PXN: variants seen among roughly 807,000 people sequenced by gnomAD.
PXN encodes the protein paxillin.
Under a neutral mutation model 103.6 loss-of-function variants are expected in PXN, and 61 were observed. The ratio of observed to expected loss-of-function variants is 0.59; its 90% CI spans 0.48 to 0.73. The LOEUF (loss-of-function observed/expected upper bound fraction) is 0.73, where lower values mean the gene tolerates loss of function less well. Among genes scored for constraint, PXN ranks in the 30% least tolerant of loss-of-function variants. PXN has a pLI of 0.00. For missense variants in PXN, 1,274 were observed against 1,460.3 expected (o/e 0.87, Z 2.08); for synonymous variants, 562 against 607.8 (o/e 0.92, Z 1.11).
chr12:120,234,363 T>C (rs1169372767), intron 1 of PXN, among the ~76,000 whole-genome samples: 2 of 152,042 alleles, frequency 1.3e-5, no homozygotes, highest in African/African-American at 4.8e-5. Context: ...GAACAGAGAT[T>C]GCGCCACTGC....
rs1886589753 is a variant in PXN at position 120,225,380 on chromosome 12, C to G, written c.14-1003G>C. The G allele has an allele frequency of 6.5e-6, 1 of 152,816 alleles. No homozygotes were observed. The highest frequency in any genetic ancestry group is 1.5e-5 in the Non-Finnish European group (1 of 68,528). The allele number at this position is 152,816 out of a possible 1,614,324, so 9.5% of individuals were successfully genotyped here. On this transcript the variant is annotated intron_variant, in intron 1 of 14. Coordinates refer to ENST00000637617, the MANE Select transcript of PXN (RefSeq NM_001385981.1). This position sits in a 1 kb window ranked among gnomAD's most constrained non-coding sequence, Gnocchi z 4.4. ...CCTGCTGGGTCCAGGGAGCTGACAG[C>G]TTGATCCCTAGCCCTCAGGATAATA...
chr12:120,230,706 G>A (rs539045221), intron 1 of PXN, among the ~76,000 whole-genome samples: 2 of 141,632 alleles, frequency 1.4e-5, no homozygotes, highest in African/African-American at 2.6e-5. Context: ...AATCTAATCC[G>A]CAGCGGGGTG....
chr12:120,237,040 G>A (rs1241284192), intron 1 of PXN, among the ~76,000 whole-genome samples: 8 of 151,840 alleles, frequency 5.3e-5, no homozygotes, highest in African/African-American at 1.2e-4. Context: ...GGGCTCAAGC[G>A]ATCCTCCTGC....
rs1889614745 is a variant in PXN at position 120,238,828 on chromosome 12, C to T, written c.14-14451G>A. Among the ~76,000 whole-genome samples, 4 of 152,178 alleles carry T rather than the reference C, an allele frequency of 2.6e-5. No homozygotes were observed. In the South Asian group the frequency reaches 8.3e-4, roughly 31 times the overall value. ...TTGCCATGAGGTGCTAGGGTGAACC[C>T]CATCATTCCTCCTTCAGGCAGTACC... On this transcript the variant is annotated intron_variant, in intron 1 of 14. Coordinates refer to ENST00000637617, the MANE Select transcript of PXN (RefSeq NM_001385981.1).
chr12:120,224,164 A>T lies in PXN; in HGVS notation c.227T>A (p.Phe76Tyr), dbSNP rs1293668538. ...LDQWQPSSSR[F>Y]IHQQPQSSSP... The stretch of plus-strand genomic sequence containing the variant: ...TCCCCGCCTCACCTGCTGGTGGATG[A>T]ATCGGGAGCTGCTGGGCTGCCACTG... Residue 76 changes from phenylalanine to tyrosine, a missense_variant, in exon 2 of 15, where the codon TTC (phenylalanine) becomes TAC (tyrosine). Around this residue, in one of 2 missense-constraint regions of PXN, gnomAD observed 1,178 missense variants for 1,309.0 expected, o/e 0.90. Coordinates refer to ENST00000637617, the MANE Select transcript of PXN (RefSeq NM_001385981.1). This position sits in a 1 kb window ranked among gnomAD's most constrained non-coding sequence, Gnocchi z 5.0. 6.3e-7 allele frequency: 1 copy of T among 1,583,166 alleles called. No homozygotes were observed. The highest frequency in any genetic ancestry group is 1.1e-5 in the South Asian group (1 of 87,488).
chr12:120,254,829 G>A (rs914878562), intron 1 of PXN, among the ~76,000 whole-genome samples: 2 of 152,220 alleles, frequency 1.3e-5, no homozygotes, highest in African/African-American at 2.4e-5. Context: ...GATTACAGGT[G>A]TGAGCCACAA....
chr12:120,217,127 G>A lies in PXN; in HGVS notation c.1717-11C>T. 6.4e-7 allele frequency: 1 copy of A among 1,569,196 alleles called. No homozygotes were observed. Among genetic ancestry groups the A allele is most frequent in the Non-Finnish European group, 8.6e-7 (1 of 1,164,122 alleles). ...GATCACAGATCGGATCTAGGGGGAG[G>A]GGGAGGGGAGGCTGTCACCGTCCCA... is the stretch of plus-strand genomic sequence containing the variant. On this transcript the variant is annotated splice_polypyrimidine_tract_variant and intron_variant, in intron 7 of 14. Transcript: ENST00000637617. This position sits in a 1 kb window ranked among gnomAD's most constrained non-coding sequence, Gnocchi z 4.1.
intron 1 of PXN, chr12:120,250,289 C>A: frequency 2.9e-6 from 2 of 698,452 alleles, no homozygotes; most frequent in Non-Finnish European, 3.5e-6. Flanking sequence ...TTCAAACCTC[C>A]AACAGAGCCC....
chr12:120,241,446 C>T (rs765423463), intron 1 of PXN, among the ~76,000 whole-genome samples: 2 of 152,222 alleles, frequency 1.3e-5, no homozygotes, highest in Non-Finnish European at 1.5e-5. Flanking sequence ...CCTCCAAGAC[C>T]CTCCCTCCGA....
At chr12:120,234,094 G>A (rs183341652) in intron 1 of PXN, among the ~76,000 whole-genome samples, 66 of 122,980 alleles carry the variant, frequency 5.4e-4, no homozygotes, top group Admixed American at 3.3e-4. Context: ...AAGTGAAATC[G>A]TAAGATAAAA....
chr12:120,218,105 T>C (rs1047326461), intron 7 of PXN, among the ~76,000 whole-genome samples: 3 of 147,756 alleles, frequency 2.0e-5, no homozygotes, highest in Non-Finnish European at 3.0e-5. Context: ...AATGCAGTGG[T>C]GCGATCACAA....
At chr12:120,249,059 C>T (rs1038881592) in intron 1 of PXN, among the ~76,000 whole-genome samples, 1 of 152,062 alleles carries the variant, frequency 6.6e-6, no homozygotes. Flanking sequence ...ATCGCTTGAA[C>T]CTGGGAAGCA....
At position 120,250,206 on chromosome 12, in the gene PXN, C is replaced by G. The variant is rs1288094984; in HGVS notation, c.13+15411G>C. 8 of 982,344 alleles carry G rather than the reference C, an allele frequency of 8.1e-6. No homozygotes were observed. In the Admixed American group the frequency reaches 4.9e-4, roughly 60 times the overall value. 60.9% of individuals were successfully genotyped at this position (982,344 alleles called of 1,614,324 possible). A position where few individuals can be genotyped will look rare whatever the true frequency, so the allele number is the denominator to read the frequency against. ...CCAAGTGCAGGCCATTGGACACTCC[C>G]ATTTCCACCTAAGGAAGAGGAATGT... is the stretch of plus-strand genomic sequence containing the variant. On this transcript the variant is annotated intron_variant, in intron 1 of 14. Transcript: ENST00000637617.
chr12:120,233,826 C>T (rs1216261289), intron 1 of PXN, among the ~76,000 whole-genome samples: 5 of 152,172 alleles, frequency 3.3e-5, no homozygotes, highest in East Asian at 1.9e-4. Flanking sequence ...CTGGACTCCC[C>T]GCTTCCCTTT....
In PXN at chr12:120,225,074, C is replaced by T; in HGVS notation, c.14-697G>A. On this transcript the variant is annotated intron_variant, in intron 1 of 14. Transcript: ENST00000637617. The surrounding 1 kb of genome is among the most constrained non-coding windows in gnomAD (Gnocchi z 4.4). The stretch of plus-strand genomic sequence containing the variant: ...GCAGCCCGGCCCCAGAGGCTCCAGG[C>T]CCCCACTGTTCTGCTTTTAACAGCG... 1 of 257,178 alleles carries T rather than the reference C, an allele frequency of 3.9e-6. No individual in the cohort carries two copies. Among genetic ancestry groups the T allele is most frequent in the Non-Finnish European group, 8.0e-6 (1 of 125,778 alleles). 15.9% of individuals were successfully genotyped at this position (257,178 alleles called of 1,614,324 possible). A position where few individuals can be genotyped will look rare whatever the true frequency, so the allele number is the denominator to read the frequency against.
In PXN at chr12:120,222,741, T is replaced by A. The variant is rs375078874; in HGVS notation, c.503A>T (p.Asn168Ile). ...GGCCCCAGGAAGCGGGGGGCTTGAG[T>A]TGGCCTCATCTTGCAGAGAGGAGAG... is the stretch of plus-strand genomic sequence containing the variant. ...NPPGFPADEA[N>I]SSPPLPGALS... The change falls in exon 5 of 15, where the codon AAC becomes ATC. Residue 168 changes from asparagine (N) to isoleucine (I), a missense_variant. Coordinates refer to ENST00000637617, the MANE Select transcript of PXN (RefSeq NM_001385981.1). The surrounding 1 kb of genome is among the most constrained non-coding windows in gnomAD (Gnocchi z 4.7). 85 of 1,606,174 alleles carry A rather than the reference T, an allele frequency of 5.3e-5. No individual in the cohort carries two copies. In the African/African-American group the frequency reaches 1.1e-3, roughly 20 times the overall value.
chr12:120,242,810 G>A (rs1890379108), intron 1 of PXN, among the ~76,000 whole-genome samples: 1 of 151,836 alleles, frequency 6.6e-6, no homozygotes, highest in South Asian at 2.1e-4. Flanking sequence ...GAACCTGGGA[G>A]GCAGAGGTTG....
rs1170333049 is a variant in PXN at position 120,215,654 on chromosome 12, C to T, written c.2309G>A (p.Gly770Asp). ...CTCCCCATCCGCTCTTTGCTCCAGGCCCTGGATCTTAGATAGGGGAAGAGA... is the reference window on the plus strand; with the variant it reads ...CTCCCCATCCGCTCTTTGCTCCAGGTCCTGGATCTTAGATAGGGGAAGAGA... ...DPLFPPMQIQ[G>D]LEQRADGERC... Residue 770 changes from glycine to aspartate, a missense_variant, in exon 10 of 15, where the codon GGC (glycine) becomes GAC (aspartate). Transcript: ENST00000637617. The surrounding 1 kb of genome is among the most constrained non-coding windows in gnomAD (Gnocchi z 4.9). The T allele has an allele frequency of 1.2e-6, 2 of 1,607,258 alleles. No individual in the cohort carries two copies. Among genetic ancestry groups the T allele is most frequent in the East Asian group, 2.2e-5 (1 of 44,730 alleles).
At chr12:120,257,695 C>T (rs1426348379) in intron 1 of PXN, among the ~76,000 whole-genome samples, 1 of 152,194 alleles carries the variant, frequency 6.6e-6, no homozygotes, top group Non-Finnish European at 1.5e-5. Flanking sequence ...AGTGGGGATT[C>T]CAGGAGGGGG....
Sources: gnomAD v4.1 joint callset for allele counts (sites outside exome capture counted in the v4.1 genomes callset) on GRCh38, gnomAD v4.1.1 for gene constraint, gnomAD v4.1.1 regional missense constraint, Gnocchi (gnomAD v3.1) non-coding constraint, MANE v1.5 for transcripts, NCBI Gene and HGNC (gene_info 2026-07-23, HGNC 2026-07-21) for gene names.